Variants in DLGAP2 observed in about 807,000 individuals in gnomAD.
DLGAP2 encodes disks large-associated protein 2.
In DLGAP2, 26 loss-of-function variants were observed where a neutral mutation model predicts 100.3. The observed-to-expected ratio is 0.26, with a 90% confidence interval of 0.19 to 0.36. DLGAP2 has a LOEUF of 0.36. Ranked by LOEUF, DLGAP2 falls within the 10% of genes least tolerant of loss-of-function variation. DLGAP2 has a pLI of 1.00. For synonymous variants in DLGAP2, 886 were observed against 630.1 expected, an observed-to-expected ratio of 1.41 and a Z score of -6.08; for missense variants, 1,858 against 1,453.2, an observed-to-expected ratio of 1.28 and a Z score of -4.53.
At chr8:951,763 T>C (rs912127121) in intron 2 of DLGAP2, among the ~76,000 whole-genome samples, 4 of 152,252 alleles carry the variant, frequency 2.6e-5, no homozygotes, top group African/African-American at 9.6e-5. Flanking sequence ...ATGCATTTCC[T>C]AGATCAGATG....
intron 2 of DLGAP2, among the ~76,000 whole-genome samples, chr8:1,171,272 T>C (rs553455380): frequency 1.5e-3 from 223 of 152,350 alleles, no homozygotes; most frequent in African/African-American, 5.0e-3. Flanking sequence ...TCTGTTCTTT[T>C]ACATGTGCTG....
chr8:1,377,381 G>A lies in DLGAP2; in HGVS notation c.106+118498G>A, dbSNP rs549726619. ...AATATGGTGAAACCCCGTCTCTACA[G>A]AAAATACAAAAAATTAGCCAGGCGA... On this transcript the variant is annotated intron_variant, in intron 3 of 14. Transcript: ENST00000637795. Among the ~76,000 whole-genome samples, 672 of 152,206 alleles carry A rather than the reference G, an allele frequency of 4.4e-3. 5 individuals carry two copies. The highest frequency in any genetic ancestry group is 0.015 in the African/African-American group (627 of 41,536).
intron 3 of DLGAP2, among the ~76,000 whole-genome samples, chr8:1,470,151 G>A (rs142222979): frequency 1.3e-3 from 203 of 152,258 alleles, no homozygotes; most frequent in African/African-American, 4.7e-3. Flanking sequence ...GACAGGGCCA[G>A]ACCCTGTCTC....
intron 3 of DLGAP2, among the ~76,000 whole-genome samples, chr8:1,481,667 G>A (rs6984878): frequency 1.6e-4 from 24 of 151,820 alleles, no homozygotes; most frequent in African/African-American, 4.3e-4. Flanking sequence ...TAGTAAAGAC[G>A]GGGTTTCACC....
chr8:1,577,167 T>C (rs938948867), intron 6 of DLGAP2, among the ~76,000 whole-genome samples: 2 of 152,202 alleles, frequency 1.3e-5, no homozygotes, highest in African/African-American at 2.4e-5. Context: ...ATGTGAAATA[T>C]TTCAGCTGAT....
chr8:814,216 C>T (rs1404467587), intron 1 of DLGAP2, among the ~76,000 whole-genome samples: 1 of 152,192 alleles, frequency 6.6e-6, no homozygotes, highest in East Asian at 1.9e-4. Context: ...GACATTATAA[C>T]ACCTCAGTTT....
chr8:1,186,704 G>A (rs537736570), intron 2 of DLGAP2, among the ~76,000 whole-genome samples: 1 of 152,254 alleles, frequency 6.6e-6, no homozygotes, highest in South Asian at 2.1e-4. Context: ...TTTCTGAGCT[G>A]ATATTCTGTT....
intron 1 of DLGAP2, among the ~76,000 whole-genome samples, chr8:783,019 G>T (rs148339219): frequency 4.9e-4 from 75 of 152,346 alleles, no homozygotes; most frequent in African/African-American, 1.8e-3. Flanking sequence ...GTGACCGCAT[G>T]ACCGCATGAT....
chr8:1,527,882 C>G lies in DLGAP2; in HGVS notation c.173-20744C>G, dbSNP rs530989616. Among the ~76,000 whole-genome samples, 5 of 151,954 alleles carry G rather than the reference C, an allele frequency of 3.3e-5. No individual in the cohort carries two copies. In the South Asian group the frequency reaches 1.0e-3, roughly 32 times the overall value. ...TTTTCTGTTTGAAAAAAAAAATACACAGCTCATCTTTATGTTCAACTATGC... is the reference window on the plus strand; with the variant it reads ...TTTTCTGTTTGAAAAAAAAAATACAGAGCTCATCTTTATGTTCAACTATGC... On this transcript the variant is annotated intron_variant, in intron 4 of 14. Coordinates refer to ENST00000637795, the MANE Select transcript of DLGAP2 (RefSeq NM_001346810.2).
chr8:1,544,756 G>A (rs1467617918), intron 4 of DLGAP2, among the ~76,000 whole-genome samples: 1 of 147,122 alleles, frequency 6.8e-6, no homozygotes, highest in Non-Finnish European at 1.5e-5. Flanking sequence ...TTTTGAGACA[G>A]AGGTCTCACT....
chr8:755,748 C>T (rs1019849859), intron 1 of DLGAP2, among the ~76,000 whole-genome samples: 1 of 152,064 alleles, frequency 6.6e-6, no homozygotes, highest in Non-Finnish European at 1.5e-5. Context: ...TGTCAGATCC[C>T]CAGCTGGGGT....
At chr8:1,643,487 G>C (rs1471773233) in intron 8 of DLGAP2, among the ~76,000 whole-genome samples, 4 of 25,278 alleles carry the variant, frequency 1.6e-4, no homozygotes, top group African/African-American at 5.7e-4. Flanking sequence ...TGTCACCCTC[G>C]AACCCGCCGG....
chr8:1,199,473 C>CTT (rs1377825329), intron 2 of DLGAP2, among the ~76,000 whole-genome samples: 1 of 152,134 alleles, frequency 6.6e-6, no homozygotes, highest in African/African-American at 2.4e-5. Flanking sequence ...TAGGAGGACA[C>CTT]AGTAAAGGCA....
At chr8:1,154,671 G>A (rs1796749205) in intron 2 of DLGAP2, among the ~76,000 whole-genome samples, 1 of 152,168 alleles carries the variant, frequency 6.6e-6, no homozygotes. Context: ...GAAGAGGCCG[G>A]GACTAGCTTT....
At chr8:1,597,658 G>C (rs185857740) in intron 6 of DLGAP2, among the ~76,000 whole-genome samples, 90 of 152,198 alleles carry the variant, frequency 5.9e-4, no homozygotes, top group African/African-American at 2.1e-3. Context: ...CTCATGATTT[G>C]GCTCTCTGTT....
chr8:760,728 C>G (rs943310774), intron 1 of DLGAP2, among the ~76,000 whole-genome samples: 2 of 152,148 alleles, frequency 1.3e-5, no homozygotes, highest in African/African-American at 4.8e-5. Flanking sequence ...AGGCATGTCC[C>G]TCAGTGCAGG....
intron 2 of DLGAP2, among the ~76,000 whole-genome samples, chr8:1,203,570 T>C (rs146946398): frequency 6.6e-6 from 1 of 152,334 alleles, no homozygotes; most frequent in Non-Finnish European, 1.5e-5. Flanking sequence ...ATCTAGCAGA[T>C]TCTCTACTCT....
At chr8:1,639,751 C>A (rs1797853378) in intron 8 of DLGAP2, among the ~76,000 whole-genome samples, 1 of 152,222 alleles carries the variant, frequency 6.6e-6, no homozygotes, top group South Asian at 2.1e-4. Context: ...GGGGAGCCCG[C>A]TCCTTGCCTC....
At chr8:1,188,733 A>G (rs1463250357) in intron 2 of DLGAP2, among the ~76,000 whole-genome samples, 2 of 152,228 alleles carry the variant, frequency 1.3e-5, no homozygotes, top group Admixed American at 6.5e-5. Flanking sequence ...TCATGAGTAC[A>G]GAGTCTGAGA....
Sources: gnomAD v4.1 joint callset for allele counts (sites outside exome capture counted in the v4.1 genomes callset) on GRCh38, gnomAD v4.1.1 for gene constraint, MANE v1.5 for transcripts, NCBI Gene and HGNC (gene_info 2026-07-23, HGNC 2026-07-21) for gene names.